Variants in ATXN1 observed in about 807,000 individuals in gnomAD.
ATXN1 encodes the protein ataxin 1.
ATXN1 carries 8 observed loss-of-function variants against 56.4 expected under a neutral mutation model. The observed-to-expected ratio is 0.14, with a 90% CI of 0.08 to 0.26. The LOEUF (loss-of-function observed/expected upper bound fraction) is 0.26. Ranked by LOEUF, ATXN1 falls within the 10% of genes least tolerant of loss-of-function variation. The pLI is 1.00. For missense variants in ATXN1, 987 were observed against 1,106.5 expected (o/e 0.89, Z 1.53); for synonymous variants, 514 against 494.6 (o/e 1.04, Z -0.52).
chr6:16,491,274 A>ATTT (rs1225716591), intron 5 of ATXN1, among the ~76,000 whole-genome samples: 3 of 115,076 alleles, frequency 2.6e-5, no homozygotes, highest in African/African-American at 7.7e-5. Context: ...TATTATTATT[A>ATTT]TTATTTTTTT....
chr6:16,343,206 G>A (rs560729719), intron 6 of ATXN1, among the ~76,000 whole-genome samples: 54 of 152,224 alleles, frequency 3.5e-4, no homozygotes, highest in African/African-American at 1.2e-3. Context: ...TTAGCCGGGC[G>A]TGGTGGTGGG....
intron 6 of ATXN1, among the ~76,000 whole-genome samples, chr6:16,357,293 G>T (rs1282906114): frequency 3.5e-5 from 5 of 144,724 alleles, no homozygotes. Flanking sequence ...TTTTTGAGAC[G>T]CAGTCTCACT....
chr6:16,466,175 C>T (rs989434855), intron 6 of ATXN1, among the ~76,000 whole-genome samples: 4 of 151,842 alleles, frequency 2.6e-5, no homozygotes, highest in Non-Finnish European at 4.4e-5. Context: ...ATTAGCTGGG[C>T]GCAGTGGCAG....
chr6:16,640,573 T>C (rs1561790388), intron 3 of ATXN1, among the ~76,000 whole-genome samples: 1 of 150,690 alleles, frequency 6.6e-6, no homozygotes, highest in East Asian at 2.0e-4. Context: ...GTCTCAGCTA[T>C]TCGGGAGGCT....
chr6:16,349,879 G>A (rs983905218), intron 6 of ATXN1, among the ~76,000 whole-genome samples: 1 of 152,054 alleles, frequency 6.6e-6, no homozygotes, highest in Admixed American at 6.6e-5. Flanking sequence ...TATTCCTTTG[G>A]TATAAATAGA....
intron 2 of ATXN1, among the ~76,000 whole-genome samples, chr6:16,729,496 C>G (rs954355870): frequency 2.6e-5 from 4 of 152,312 alleles, no homozygotes; most frequent in Non-Finnish European, 5.9e-5. Flanking sequence ...CATTCAAAGC[C>G]TGTATTCTTT....
chr6:16,344,742 T>C (rs540478764), intron 6 of ATXN1, among the ~76,000 whole-genome samples: 17 of 152,336 alleles, frequency 1.1e-4, no homozygotes, highest in African/African-American at 4.1e-4. Context: ...AGGTGGCCTA[T>C]TGTAGGACTT....
At chr6:16,722,657 G>T (rs1028691503) in intron 2 of ATXN1, among the ~76,000 whole-genome samples, 54 of 152,290 alleles carry the variant, frequency 3.5e-4, no homozygotes, top group African/African-American at 1.3e-3. Flanking sequence ...ATTATCCAGA[G>T]AAAATATGTC....
intron 6 of ATXN1, among the ~76,000 whole-genome samples, chr6:16,455,228 G>T (rs1028792057): frequency 6.6e-6 from 1 of 152,274 alleles, no homozygotes; most frequent in African/African-American, 2.4e-5. Flanking sequence ...TTCACTATTA[G>T]AAAACAAACA....
chr6:16,692,359 A>G (rs764038553), intron 2 of ATXN1, among the ~76,000 whole-genome samples: 36 of 152,344 alleles, frequency 2.4e-4, no homozygotes, highest in Middle Eastern at 6.8e-3. Context: ...CACAGTCACA[A>G]ATTAACTATA....
intron 2 of ATXN1, among the ~76,000 whole-genome samples, chr6:16,669,856 T>C (rs1581349266): frequency 6.6e-6 from 1 of 151,970 alleles, no homozygotes; most frequent in Non-Finnish European, 1.5e-5. Flanking sequence ...TATATTAAAT[T>C]TGTCAGTTCT....
chr6:16,510,395 A>G (rs559801429), intron 5 of ATXN1, among the ~76,000 whole-genome samples: 5 of 152,284 alleles, frequency 3.3e-5, no homozygotes, highest in African/African-American at 1.2e-4. Context: ...GGAGAAACCA[A>G]ACATAACTTA....
intron 3 of ATXN1, among the ~76,000 whole-genome samples, chr6:16,596,932 ACT>A (rs769913912): frequency 1.3e-5 from 2 of 151,256 alleles, no homozygotes; most frequent in African/African-American, 4.9e-5. Flanking sequence ...CATCTCAGCG[ACT>A]CTCTCTTTTA....
At chr6:16,441,781 T>A (rs1342834325) in intron 6 of ATXN1, among the ~76,000 whole-genome samples, 3 of 151,900 alleles carry the variant, frequency 2.0e-5, no homozygotes, top group Admixed American at 6.6e-5. Flanking sequence ...CAACAGATAA[T>A]CTTTGAGGAG....
chr6:16,569,144 G>A (rs1762284335), intron 4 of ATXN1, among the ~76,000 whole-genome samples: 2 of 152,148 alleles, frequency 1.3e-5, no homozygotes, highest in Admixed American at 6.5e-5. Flanking sequence ...TTCATGGGGA[G>A]CCACACATGA....
rs559261471 is a variant in ATXN1, at chr6:16,581,348, G to C, written c.-361+4432C>G. Among the ~76,000 whole-genome samples, 18 of 152,038 alleles carry C rather than the reference G, an allele frequency of 1.2e-4. No individual in the cohort carries two copies. The South Asian group carries it at 3.7e-3, about 32-fold the overall frequency. ...AAACATCTGGGTAGAGTACGTGGTG[G>C]ATGTTTGAGGGCCCGAAGAGAGCAG... On this transcript the variant is annotated intron_variant, in intron 4 of 7. Coordinates refer to ENST00000436367, the MANE Select transcript of ATXN1 (RefSeq NM_001128164.2).
chr6:16,426,577 G>A (rs1759158985), intron 6 of ATXN1, among the ~76,000 whole-genome samples: 1 of 150,564 alleles, frequency 6.6e-6, no homozygotes, highest in African/African-American at 2.5e-5. Context: ...GTGTGGTGGT[G>A]GGGCCGAGTG....
At chr6:16,365,027 C>T (rs1284545009) in intron 6 of ATXN1, among the ~76,000 whole-genome samples, 1 of 149,262 alleles carries the variant, frequency 6.7e-6, no homozygotes, top group East Asian at 2.0e-4. Context: ...ACACCTCAAT[C>T]AGCACTGTTG....
intron 5 of ATXN1, among the ~76,000 whole-genome samples, chr6:16,519,728 C>T (rs1761250315): frequency 6.6e-6 from 1 of 152,228 alleles, no homozygotes; most frequent in Admixed American, 6.5e-5. Context: ...AGACTCTCCA[C>T]CTCCTTTCAA....
Sources: allele counts gnomAD v4.1 joint callset (sites outside exome capture counted in the v4.1 genomes callset), GRCh38; gene constraint gnomAD v4.1.1; transcripts MANE v1.5; gene names NCBI Gene and HGNC (gene_info 2026-07-23, HGNC 2026-07-21).